The following BRWD1 variants were observed in gnomAD, a reference collection of about 807,000 sequenced individuals.
The protein encoded by BRWD1 is bromodomain and WD repeat domain containing 1, also known as bromodomain and WD repeat-containing protein 1.
A neutral mutation model predicts 251.2 loss-of-function variants in BRWD1; 82 were observed. The observed-to-expected ratio is 0.33, with a 90% CI of 0.27 to 0.39. The LOEUF is 0.39. Among genes scored for constraint, BRWD1 ranks in the 10% least tolerant of loss-of-function variants. BRWD1 has a pLI of 1.00. For synonymous variants in BRWD1, 918 were observed against 902.8 expected, an observed-to-expected ratio of 1.02 and a Z score of -0.30; for missense variants, 2,233 against 2,711.6, an observed-to-expected ratio of 0.82 and a Z score of 3.92.
rs767361479 is a variant in BRWD1 at position 39,199,143 on chromosome 21, TC to T, written c.5272del (p.Glu1758LysfsTer62). 204 of 1,614,046 alleles carry T rather than the reference TC, an allele frequency of 1.3e-4. No homozygotes were observed. The highest frequency in any genetic ancestry group is 2.9e-4 in the South Asian group (26 of 91,070). The part of the protein sequence containing the change: ...TKFLKIESSE[E>X]DSKSHDSDHA... ...ATCTGAATCATGACTTTTAGAGTCT[TC>T]CTCAGAAGACTCTATTTTAAGAAAT... On this transcript the variant is annotated frameshift_variant, in exon 40 of 41. Coordinates refer to ENST00000342449, the MANE Select transcript of BRWD1 (RefSeq NM_033656.4). LOFTEE classifies it high-confidence loss of function.
chr21:39,209,770 TGAG>T (rs796339292), intron 36 of BRWD1: 126 of 374,200 alleles, frequency 3.4e-4, no homozygotes, highest in African/African-American at 1.4e-3. Context: ...TTATAAAATT[TGAG>T]GAGATTATGA....
At chr21:39,288,733 T>C (rs1363332800) in intron 8 of BRWD1, among the ~76,000 whole-genome samples, 1 of 152,196 alleles carries the variant, frequency 6.6e-6, no homozygotes, top group African/African-American at 2.4e-5. Flanking sequence ...GAAAATGTTA[T>C]CAAGAAAATC....
At position 39,298,448 on chromosome 21, in the gene BRWD1, C is replaced by G; in HGVS notation, c.333G>C (p.Leu111Phe). Residue 111 changes from leucine (L) to phenylalanine (F), a missense_variant, in exon 5 of 41, where the codon TTG becomes TTC. By Grantham distance (22) the Leu-to-Phe change is conservative. Transcript: ENST00000342449. ...TTAAGGTACCTTTTGCTGTACGTAG[C>G]AAAGACTGCCTTCCTGCACCAAGTA... ...TSLLGAGRQS[L>F]LRTAKDCRHT... is the part of the protein sequence containing the mutation. 1 of 1,596,798 alleles carries G rather than the reference C, an allele frequency of 6.3e-7. No homozygotes were observed. Among genetic ancestry groups the G allele is most frequent in the Non-Finnish European group, 8.5e-7 (1 of 1,174,150 alleles).
At chr21:39,295,477 G>A (rs1055162706) in intron 7 of BRWD1, among the ~76,000 whole-genome samples, 4 of 152,126 alleles carry the variant, frequency 2.6e-5, no homozygotes, top group East Asian at 3.9e-4. Context: ...GTGAGCCACC[G>A]CGCCCGGCCA....
Position 39,277,278 on chromosome 21 carries a change from T to G in BRWD1, c.1077A>C (p.Glu359Asp). 8.1e-6 allele frequency: 13 copies of G among 1,611,436 alleles called. No individual in the cohort carries two copies. Among genetic ancestry groups the G allele is most frequent in the Non-Finnish European group, 1.0e-5 (12 of 1,178,544 alleles). Residue 359 changes from glutamate (E) to aspartate (D), a missense_variant, in exon 11 of 41, where the codon GAA becomes GAC. This residue lies in a region of BRWD1 where 315 missense variants were observed against 421.8 expected (regional missense o/e 0.75). Transcript: ENST00000342449. ...TGTGGCTTTCAAGTTCTGCGATTTT[T>G]TCGGGTGCTTCAAAACCCAAAAAAT... ...RMYFLGFEAP[E>D]KIAELESHTD...
intron 25 of BRWD1, among the ~76,000 whole-genome samples, chr21:39,229,983 C>A (rs924305363): frequency 2.0e-5 from 3 of 152,184 alleles, no homozygotes; most frequent in Non-Finnish European, 4.4e-5. Flanking sequence ...AAGTGATGCT[C>A]CCACAACAGC....
At chr21:39,254,846 T>C (rs945515973) in intron 19 of BRWD1, among the ~76,000 whole-genome samples, 2 of 152,198 alleles carry the variant, frequency 1.3e-5, no homozygotes, top group African/African-American at 4.8e-5. Flanking sequence ...CTGATAGAAT[T>C]ATCACTTATG....
intron 36 of BRWD1, chr21:39,209,689 A>G: frequency 5.2e-6 from 1 of 191,048 alleles, no homozygotes; most frequent in Non-Finnish European, 1.1e-5. Flanking sequence ...TACAAAACAC[A>G]GAGACTCTTA....
Position 39,189,689 on chromosome 21 carries a change from A to T in BRWD1, c.*6570T>A, listed in dbSNP as rs2031443220. On this transcript the variant is annotated 3_prime_UTR_variant, in exon 41 of 41. Coordinates refer to ENST00000342449, the MANE Select transcript of BRWD1 (RefSeq NM_033656.4). The stretch of plus-strand genomic sequence containing the variant: ...AGACAAAACTGTGGAGAATTTTTTT[A>T]AATACATTCAAGTCAGTGTTAATTT... 8.1e-6 allele frequency: 8 copies of T among 982,208 alleles called. No homozygotes were observed. Among genetic ancestry groups the T allele is most frequent in the Non-Finnish European group, 9.7e-6 (8 of 827,022 alleles). The allele number at this position is 982,208 out of a possible 1,614,324, so 60.8% of individuals were successfully genotyped here.
At chr21:39,260,298 T>C (rs1482600194) in intron 17 of BRWD1, among the ~76,000 whole-genome samples, 1 of 151,222 alleles carries the variant, frequency 6.6e-6, no homozygotes. Flanking sequence ...CTATATAACT[T>C]TTCTTTTTTT....
intron 17 of BRWD1, among the ~76,000 whole-genome samples, chr21:39,262,930 A>G (rs2034802359): frequency 6.6e-6 from 1 of 151,938 alleles, no homozygotes; most frequent in Non-Finnish European, 1.5e-5. Context: ...AGCCTGGGCA[A>G]CATGGCAAAA....
At chr21:39,250,749 AT>A in intron 20 of BRWD1, 46 bp downstream of exon 20, 1 of 1,192,230 alleles carries the variant, frequency 8.4e-7, no homozygotes, top group Admixed American at 2.4e-5. Flanking sequence ...AAAACTCTAT[AT>A]TTCAATGTAA....
Position 39,300,274 on chromosome 21 carries a change from A to T in BRWD1, c.199-1692T>A, listed in dbSNP as rs151150092. Among the ~76,000 whole-genome samples the T allele has an allele frequency of 3.9e-4, 59 of 152,192 alleles. 1 individual carries two copies. Among genetic ancestry groups the T allele is most frequent in the Admixed American group, 3.7e-3 (56 of 15,270 alleles). Reference sequence around the variant, plus strand: ...GCACTGTAGTGGCCCTCCTAAGGCTAGAGATAGGACAACAGGGTGGAGAAT... The same window carrying T: ...GCACTGTAGTGGCCCTCCTAAGGCTTGAGATAGGACAACAGGGTGGAGAAT... On this transcript the variant is annotated intron_variant, in intron 4 of 40. Transcript: ENST00000342449.
chr21:39,238,384 T>A (rs919538690), intron 22 of BRWD1, 95 bp downstream of exon 22: 1 of 944,510 alleles, frequency 1.1e-6, no homozygotes, highest in African/African-American at 1.7e-5. Context: ...TGTTCCACAG[T>A]TGCAAATTCT....
intron 9 of BRWD1, among the ~76,000 whole-genome samples, chr21:39,279,151 T>C (rs1368884247): frequency 6.6e-6 from 1 of 152,182 alleles, no homozygotes; most frequent in Non-Finnish European, 1.5e-5. Flanking sequence ...ACACCCAAAA[T>C]ATCAACATGT....
At chr21:39,311,614 G>A (rs1008319908) in intron 4 of BRWD1, among the ~76,000 whole-genome samples, 2 of 152,154 alleles carry the variant, frequency 1.3e-5, no homozygotes, top group Non-Finnish European at 2.9e-5. Flanking sequence ...CTAAAAGAGG[G>A]CATCCTTTAA....
chr21:39,314,098 C>A (rs973888791), upstream of BRWD1: 4 of 456,022 alleles, frequency 8.8e-6, no homozygotes, highest in Admixed American at 2.3e-5. Context: ...ACGGACCGGT[C>A]GTCTGGGGCC....
At position 39,297,207 on chromosome 21, in the gene BRWD1, A is replaced by G. The variant is rs188875334; in HGVS notation, c.350-844T>C. The G allele has an allele frequency of 2.1e-4, 203 of 985,436 alleles. 1 individual carries two copies. The East Asian group carries it at 0.012, about 60-fold the overall frequency. 61.0% of individuals were successfully genotyped at this position (985,436 alleles called of 1,614,324 possible). On this transcript the variant is annotated intron_variant, in intron 5 of 40. Transcript: ENST00000342449. The stretch of plus-strand genomic sequence containing the variant: ...CACTGTGCCAGAAATTAGTTTCTTC[A>G]TAACTCAAAGAAGAAAGGGAAGGCA...
In BRWD1 at chr21:39,264,586, T is replaced by C. The variant is rs1230206988; in HGVS notation, c.1759A>G (p.Met587Val). 2.5e-6 allele frequency: 4 copies of C among 1,613,412 alleles called. No homozygotes were observed. In the South Asian group the frequency reaches 4.4e-5, roughly 18 times the overall value. The change falls in exon 17 of 41, where the codon ATG becomes GTG. Residue 587 changes from methionine (M) to valine (V), a missense_variant. Physicochemically the swap from Met to Val is conservative, Grantham distance 21. Coordinates refer to ENST00000342449, the MANE Select transcript of BRWD1 (RefSeq NM_033656.4). ...ACATCTACCAAGAATGGTGGAGGCA[T>C]AAGATGAGGAGCCTGCTGAGTTTGC... ...DEQTQQAPHL[M>V]PPPFLVDVDG...
Sources: allele counts gnomAD v4.1 joint callset (sites outside exome capture counted in the v4.1 genomes callset), GRCh38; gene constraint gnomAD v4.1.1; regional missense constraint gnomAD v4.1.1; transcripts MANE v1.5; gene names NCBI Gene and HGNC (gene_info 2026-07-23, HGNC 2026-07-21).